SCLT1: variants seen among roughly 807,000 people sequenced by gnomAD.
SCLT1 encodes sodium channel-associated protein 1.
SCLT1 carries 78 observed loss-of-function variants against 112.8 expected under a neutral mutation model. The observed-to-expected ratio is 0.69, with a 90% CI of 0.58 to 0.83. The LOEUF (loss-of-function observed/expected upper bound fraction) is 0.83. Among genes scored for constraint, SCLT1 ranks in the 40% least tolerant of loss-of-function variants. The pLI, the probability that SCLT1 is intolerant of heterozygous loss-of-function variation, is 0.00. For missense variants in SCLT1, 747 were observed against 770.4 expected, an observed-to-expected ratio of 0.97 and a Z score of 0.36; for synonymous variants, 257 against 254.7, an observed-to-expected ratio of 1.01 and a Z score of -0.09.
intron 4 of SCLT1, chr4:129,040,330 T>G (rs2125694505): frequency 1.6e-6 from 1 of 624,946 alleles, no homozygotes; most frequent in East Asian, 2.7e-5. Context: ...GTTTTAAGAA[T>G]GCCATGGCAA....
chr4:128,894,503 C>T (rs1733586632), intron 18 of SCLT1, among the ~76,000 whole-genome samples: 1 of 151,826 alleles, frequency 6.6e-6, no homozygotes, highest in South Asian at 2.1e-4. Context: ...TAAATTTTTA[C>T]TTCAGACTTC....
At chr4:129,059,501 C>T (rs1749757653) in intron 2 of SCLT1, among the ~76,000 whole-genome samples, 1 of 152,048 alleles carries the variant, frequency 6.6e-6, no homozygotes, top group Non-Finnish European at 1.5e-5. Context: ...TTGTATTTTG[C>T]TTTCAAATAT....
chr4:128,997,688 G>A (rs1261471632), intron 8 of SCLT1, among the ~76,000 whole-genome samples, 186 bp downstream of exon 8: 1 of 151,814 alleles, frequency 6.6e-6, no homozygotes. Context: ...ATATATTTCA[G>A]AGAGATGTTA....
At chr4:129,022,688 A>T (rs535332731) in intron 5 of SCLT1, among the ~76,000 whole-genome samples, 34 of 152,326 alleles carry the variant, frequency 2.2e-4, no homozygotes, top group African/African-American at 7.7e-4. Flanking sequence ...CCTGAAAGTG[A>T]CAGGGAGAAT....
chr4:128,936,890 C>T (rs1208265844), intron 17 of SCLT1, 39 bp from the exon 18 acceptor site: 1 of 989,924 alleles, frequency 1.0e-6, no homozygotes, highest in South Asian at 1.7e-5. Context: ...TTTTTCTTTT[C>T]TTATAGGTGC....
chr4:128,934,450 G>A (rs1210126492), intron 18 of SCLT1, among the ~76,000 whole-genome samples: 1 of 151,482 alleles, frequency 6.6e-6, no homozygotes, highest in Non-Finnish European at 1.5e-5. Context: ...TATTGGTGGG[G>A]GAGAATGAAC....
intron 9 of SCLT1, among the ~76,000 whole-genome samples, chr4:128,987,419 T>C (rs933949184): frequency 3.3e-5 from 5 of 152,182 alleles, no homozygotes; most frequent in African/African-American, 9.7e-5. Context: ...TTCAAAGTAT[T>C]AATTGCTGTT....
At chr4:128,901,733 A>G (rs1734321051) in intron 18 of SCLT1, among the ~76,000 whole-genome samples, 1 of 152,004 alleles carries the variant, frequency 6.6e-6, no homozygotes, top group Admixed American at 6.6e-5. Flanking sequence ...TCTCCTTTCC[A>G]TTCATTTTAA....
At chr4:129,021,512 A>G (rs1745470122) in intron 5 of SCLT1, among the ~76,000 whole-genome samples, 1 of 152,182 alleles carries the variant, frequency 6.6e-6, no homozygotes, top group South Asian at 2.1e-4. Context: ...CGGGAGGGGC[A>G]TCCGCCATTA....
chr4:128,998,655 G>T (rs1743208152), intron 7 of SCLT1, among the ~76,000 whole-genome samples: 2 of 151,396 alleles, frequency 1.3e-5, no homozygotes, highest in Admixed American at 6.6e-5. Flanking sequence ...AGTCCTCAAA[G>T]AACTTAATAT....
chr4:128,925,313 T>C (rs1232543496), intron 18 of SCLT1, among the ~76,000 whole-genome samples: 1 of 152,086 alleles, frequency 6.6e-6, no homozygotes, highest in Admixed American at 6.5e-5. Flanking sequence ...CACAAAGCGT[T>C]TTCATCAAGT....
At chr4:129,008,407 C>T (rs577031477) in intron 5 of SCLT1, among the ~76,000 whole-genome samples, 1 of 152,108 alleles carries the variant, frequency 6.6e-6, no homozygotes, top group Non-Finnish European at 1.5e-5. Flanking sequence ...TACTGCTATT[C>T]CTTTGAGGAT....
chr4:129,043,090 A>G (rs1218451047), intron 4 of SCLT1, among the ~76,000 whole-genome samples: 1 of 151,904 alleles, frequency 6.6e-6, no homozygotes, highest in East Asian at 1.9e-4. Context: ...GAAAAGAAAA[A>G]AAAAAGAGAT....
intron 9 of SCLT1, among the ~76,000 whole-genome samples, chr4:128,990,794 C>A (rs1742496827): frequency 6.8e-6 from 1 of 147,466 alleles, no homozygotes; most frequent in African/African-American, 2.5e-5. Context: ...GCCAACTGAA[C>A]AGTCTGAAAA....
intron 5 of SCLT1, chr4:129,036,556 A>G (rs1380528067): frequency 6.6e-6 from 1 of 152,028 alleles, no homozygotes; most frequent in Admixed American, 6.5e-5. Flanking sequence ...AAAATTTCCC[A>G]TGGGAAAAAA....
In SCLT1 at chr4:129,053,557, A is replaced by ATTTTTTTTTTT. The variant is rs528905688; in HGVS notation, c.103-9517_103-9507dup. 4.2e-4 allele frequency among the ~76,000 whole-genome samples: 19 copies of ATTTTTTTTTTT among 45,240 alleles called. 2 individuals carry two copies. Among genetic ancestry groups the ATTTTTTTTTTT allele is most frequent in the South Asian group, 1.2e-3 (1 of 868 alleles). The allele number at this position is 45,240 out of a possible 152,430, so 29.7% of individuals were successfully genotyped here. A position where few individuals can be genotyped will look rare whatever the true frequency, so the allele number is the denominator to read the frequency against. ...TTAGAGACTAGGATTGCAATCCCTG[A>ATTTTTTTTTTT]TTTTTTTTTTTTTTTTTTTTTTTTT... On this transcript the variant is annotated intron_variant, in intron 2 of 20. Transcript: ENST00000281142.
intron 1 of SCLT1, among the ~76,000 whole-genome samples, chr4:129,088,305 A>AT (rs947423788): frequency 6.6e-6 from 1 of 152,358 alleles, no homozygotes; most frequent in Non-Finnish European, 1.5e-5. Flanking sequence ...GCAGAACAGC[A>AT]TTTTTAAAAA....
intron 17 of SCLT1, among the ~76,000 whole-genome samples, chr4:128,939,962 GA>G (rs367894572): frequency 2.0e-5 from 3 of 152,176 alleles, no homozygotes; most frequent in South Asian, 2.1e-4. Context: ...CCATAAAATA[GA>G]ATTATAGCTA....
chr4:128,927,357 T>C (rs77987174), intron 18 of SCLT1, among the ~76,000 whole-genome samples: 1 of 152,038 alleles, frequency 6.6e-6, no homozygotes, highest in Non-Finnish European at 1.5e-5. Context: ...GATCAGTTTC[T>C]TAAGTCCAGG....
Sources: allele counts gnomAD v4.1 joint callset (sites outside exome capture counted in the v4.1 genomes callset), GRCh38; gene constraint gnomAD v4.1.1; transcripts MANE v1.5; gene names NCBI Gene and HGNC (gene_info 2026-07-23, HGNC 2026-07-21).